MEIKIN: variants seen among roughly 807,000 people sequenced by gnomAD.
The protein encoded by MEIKIN is meiosis-specific kinetochore protein.
rs1011736227 is a variant in MEIKIN, at chr5:131,933,656, A to G, written c.350-15T>C. On this transcript the variant is annotated splice_polypyrimidine_tract_variant and intron_variant, in intron 4 of 12. Transcript: ENST00000442687. ...CAAACTTAATCCTGTAGAATAAAGGAAAAAAAAATTGATAAATCTTTTGAT... is the reference window on the plus strand; with the variant it reads ...CAAACTTAATCCTGTAGAATAAAGGGAAAAAAAATTGATAAATCTTTTGAT... 5.1e-6 allele frequency: 2 copies of G among 391,754 alleles called. No individual in the cohort carries two copies. Among genetic ancestry groups the G allele is most frequent in the Admixed American group, 4.5e-5 (1 of 22,366 alleles). 24.3% of individuals were successfully genotyped at this position (391,754 alleles called of 1,614,324 possible). A position where few individuals can be genotyped will look rare whatever the true frequency, so the allele number is the denominator to read the frequency against.
At position 131,845,272 on chromosome 5, in the gene MEIKIN, T is replaced by TAAAAAAAAAAAAAAAAAAA. The variant is rs1158220526; in HGVS notation, c.975+5973_975+5991dup. Among the ~76,000 whole-genome samples the TAAAAAAAAAAAAAAAAAAA allele has an allele frequency of 2.2e-4, 10 of 45,360 alleles. 1 individual carries two copies. Among genetic ancestry groups the TAAAAAAAAAAAAAAAAAAA allele is most frequent in the African/African-American group, 1.4e-3 (10 of 7,162 alleles). The allele number at this position is 45,360 out of a possible 152,430, so 29.8% of individuals were successfully genotyped here. On this transcript the variant is annotated intron_variant, in intron 11 of 12. Coordinates refer to ENST00000442687, the MANE Select transcript of MEIKIN (RefSeq NM_001303622.2). Reference sequence around the variant, plus strand: ...GTGACAGAGCGAGAAGACTTCGTCTTAAAAAAAAAAAAAAAAAAAAAAAAA... The same window carrying TAAAAAAAAAAAAAAAAAAA: ...GTGACAGAGCGAGAAGACTTCGTCTTAAAAAAAAAAAAAAAAAAAAAAAAAAAAAAAAAAAAAAAAAAAA...
chr5:131,834,845 A>G (rs781046985), intron 11 of MEIKIN, among the ~76,000 whole-genome samples: 7 of 152,176 alleles, frequency 4.6e-5, no homozygotes, highest in South Asian at 2.1e-4. Context: ...ACTGGAACCT[A>G]TATTTTTAAT....
intron 11 of MEIKIN, among the ~76,000 whole-genome samples, chr5:131,843,833 C>A (rs1749961927): frequency 1.3e-5 from 2 of 152,216 alleles, no homozygotes; most frequent in South Asian, 4.1e-4. Flanking sequence ...TCCAAAGCTG[C>A]TATCATATTT....
chr5:131,820,056 T>C (rs1419402738), intron 11 of MEIKIN, among the ~76,000 whole-genome samples: 2 of 139,450 alleles, frequency 1.4e-5, no homozygotes, highest in Admixed American at 7.5e-5. Flanking sequence ...ATTACAGGCG[T>C]GAGCCACCGC....
In MEIKIN at chr5:131,945,245, C is replaced by G. The variant is rs991275977; in HGVS notation, c.111G>C (p.Ser37=). The change falls in exon 2 of 13, where the codon TCG becomes TCC. Residue 37 remains serine (S), a synonymous_variant. Transcript: ENST00000442687. Reference sequence around the variant, plus strand: ...AGCCGTGCACTTTGCCTTTTCTCTTCGAACCTGAGAGAGGGCGGCACGTTT... The same window carrying G: ...AGCCGTGCACTTTGCCTTTTCTCTTGGAACCTGAGAGAGGGCGGCACGTTT... ...SPAKAEAPPG[S]KRKGKVHGLS... The G allele has an allele frequency of 6.3e-5, 25 of 399,060 alleles. No individual in the cohort carries two copies. The highest frequency in any genetic ancestry group is 9.3e-5 in the Non-Finnish European group (21 of 226,144). 24.7% of individuals were successfully genotyped at this position (399,060 alleles called of 1,614,324 possible). A position where few individuals can be genotyped will look rare whatever the true frequency, so the allele number is the denominator to read the frequency against.
chr5:131,927,627 A>G (rs762721805), intron 5 of MEIKIN, among the ~76,000 whole-genome samples: 1 of 152,112 alleles, frequency 6.6e-6, no homozygotes, highest in East Asian at 1.9e-4. Context: ...TCTGTTTTAT[A>G]TATTTAGATG....
At chr5:131,917,463 G>C (rs887387629) in intron 6 of MEIKIN, among the ~76,000 whole-genome samples, 1 of 151,532 alleles carries the variant, frequency 6.6e-6, no homozygotes, top group African/African-American at 2.4e-5. Context: ...CTACTTGGGA[G>C]GCTGGGGCAC....
Position 131,851,282 on chromosome 5 carries a change from CT to C in MEIKIN, c.956del (p.Gln319ArgfsTer28). On this transcript the variant is annotated frameshift_variant, in exon 11 of 13. Transcript: ENST00000442687. LOFTEE classifies it high-confidence loss of function. ...ATACTACCTCATTTGAAGAATTTTC[CT>C]GCAAACTTGACACAGGAACAATTTC... ...SNEIVPVSSL[Q>X]ENSSNEFPAN... 1 of 398,026 alleles carries C rather than the reference CT, an allele frequency of 2.5e-6. No individual in the cohort carries two copies. 24.7% of individuals were successfully genotyped at this position (398,026 alleles called of 1,614,324 possible).
At chr5:131,836,668 T>TA (rs1400388748) in intron 11 of MEIKIN, among the ~76,000 whole-genome samples, 1 of 152,198 alleles carries the variant, frequency 6.6e-6, no homozygotes, top group Admixed American at 6.5e-5. Flanking sequence ...GCTTTTTTTT[T>TA]ATACACTTTT....
chr5:131,835,779 G>C (rs1749795018), intron 11 of MEIKIN, among the ~76,000 whole-genome samples: 1 of 152,102 alleles, frequency 6.6e-6, no homozygotes, highest in Non-Finnish European at 1.5e-5. Flanking sequence ...ATTTTTAGTA[G>C]AGACGGGGTT....
chr5:131,850,328 A>G (rs1750090587), intron 11 of MEIKIN, among the ~76,000 whole-genome samples: 1 of 152,192 alleles, frequency 6.6e-6, no homozygotes, highest in Non-Finnish European at 1.5e-5. Context: ...AAACAGAAAA[A>G]CCCACTTTAA....
intron 9 of MEIKIN, among the ~76,000 whole-genome samples, chr5:131,868,121 A>G (rs1337786013): frequency 6.6e-6 from 1 of 152,014 alleles, no homozygotes; most frequent in African/African-American, 2.4e-5. Context: ...ACAGAGTCTC[A>G]CTCTGTTGCC....
chr5:131,866,999 A>G (rs900224001), intron 9 of MEIKIN, among the ~76,000 whole-genome samples: 1 of 151,996 alleles, frequency 6.6e-6, no homozygotes, highest in African/African-American at 2.4e-5. Flanking sequence ...GCTTCCTATA[A>G]CCCTGCATAT....
At chr5:131,845,315 A>G (rs946892884) in intron 11 of MEIKIN, among the ~76,000 whole-genome samples, 2 of 149,348 alleles carry the variant, frequency 1.3e-5, no homozygotes, top group African/African-American at 2.5e-5. Flanking sequence ...GCAAAGTCTA[A>G]GAAGGGTGGA....
chr5:131,863,668 C>A (rs2149620695), intron 9 of MEIKIN, among the ~76,000 whole-genome samples: 1 of 130,806 alleles, frequency 7.6e-6, no homozygotes, highest in South Asian at 2.5e-4. Flanking sequence ...ATATCTTTTT[C>A]TATTTGATAT....
At chr5:131,910,926 A>C (rs897614539) in intron 8 of MEIKIN, among the ~76,000 whole-genome samples, 1 of 152,136 alleles carries the variant, frequency 6.6e-6, no homozygotes, top group Non-Finnish European at 1.5e-5. Flanking sequence ...TTTATTTGGC[A>C]AAACCTAGGT....
chr5:131,910,863 T>C (rs1346086499), intron 8 of MEIKIN, among the ~76,000 whole-genome samples: 1 of 152,142 alleles, frequency 6.6e-6, no homozygotes, highest in Non-Finnish European at 1.5e-5. Context: ...AGAATCACTA[T>C]TCTGCCCTAC....
At chr5:131,919,962 TATA>T (rs1167960866) in intron 6 of MEIKIN, among the ~76,000 whole-genome samples, 18 of 152,222 alleles carry the variant, frequency 1.2e-4, no homozygotes, top group Non-Finnish European at 2.5e-4. Flanking sequence ...TGAGTCTAGC[TATA>T]CATATTACAA....
At chr5:131,904,587 T>C (rs1390908702) in intron 8 of MEIKIN, among the ~76,000 whole-genome samples, 1 of 152,226 alleles carries the variant, frequency 6.6e-6, no homozygotes, top group Non-Finnish European at 1.5e-5. Context: ...GTGTGGCGAT[T>C]CCTCAAGGAT....
Sources: allele counts gnomAD v4.1 joint callset (sites outside exome capture counted in the v4.1 genomes callset), GRCh38; gene constraint gnomAD v4.1.1; transcripts MANE v1.5; gene names NCBI Gene and HGNC (gene_info 2026-07-23, HGNC 2026-07-21).